CHID1: variants seen among roughly 807,000 people sequenced by gnomAD.
The protein encoded by CHID1 is chitinase domain-containing protein 1.
A neutral mutation model predicts 55.4 loss-of-function variants in CHID1; 44 were observed. The observed-to-expected ratio is 0.79, with a 90% CI of 0.62 to 1.02. CHID1 has a LOEUF of 1.02. CHID1 is among the 50% of genes least tolerant of loss of function. CHID1 has a pLI of 0.00. For synonymous variants in CHID1, 216 were observed against 212.9 expected, an observed-to-expected ratio of 1.01 and a Z score of -0.13; for missense variants, 491 against 515.3, an observed-to-expected ratio of 0.95 and a Z score of 0.46.
In CHID1 at chr11:869,665, C is replaced by A. The variant is rs962406933; in HGVS notation, c.*193G>T. ...GGAGGGGCTCGAGCTCTCAGGGTGT[C>A]CCCCAGCTAGGACTCATCCAGGGCA... On this transcript the variant is annotated 3_prime_UTR_variant, in exon 13 of 13. Transcript: ENST00000323578. 1.7e-6 allele frequency: 1 copy of A among 604,070 alleles called. No individual in the cohort carries two copies. Among genetic ancestry groups the A allele is most frequent in the South Asian group, 2.0e-5 (1 of 50,180 alleles). The allele number at this position is 604,070 out of a possible 1,614,324, so 37.4% of individuals were successfully genotyped here.
rs1220076877 is a variant in CHID1, at chr11:900,113, G to A, written c.440-3C>T. 1 of 1,611,034 alleles carries A rather than the reference G, an allele frequency of 6.2e-7. No individual in the cohort carries two copies. Among genetic ancestry groups the A allele is most frequent in the East Asian group, 2.2e-5 (1 of 44,876 alleles). On this transcript the variant is annotated splice_region_variant and splice_polypyrimidine_tract_variant and intron_variant, in intron 5 of 12. Coordinates refer to ENST00000323578, the MANE Select transcript of CHID1 (RefSeq NM_023947.4). Reference sequence around the variant, plus strand: ...GTCCTCAAACAGGAGCCGAGGCACTGCAGGGGCAACAGACACACACGGGGG... The same window carrying A: ...GTCCTCAAACAGGAGCCGAGGCACTACAGGGGCAACAGACACACACGGGGG...
At chr11:873,222 GCACAGCAGAGGGAGTCCAGGCC>G (rs967047554) in intron 10 of CHID1, among the ~76,000 whole-genome samples, 5 of 152,104 alleles carry the variant, frequency 3.3e-5, no homozygotes, top group African/African-American at 4.8e-5. Context: ...GCAGCTGCAG[GCACAGCAGAGGGAGTCCAGGCC>G]CACAGCAGAG....
At chr11:885,587 C>T (rs1850331233) in intron 8 of CHID1, among the ~76,000 whole-genome samples, 1 of 152,204 alleles carries the variant, frequency 6.6e-6, no homozygotes, top group Admixed American at 6.5e-5. Context: ...CGGTGGCCTC[C>T]CTCAGTGCCT....
chr11:906,806 A>G (rs1029445629), intron 1 of CHID1, among the ~76,000 whole-genome samples: 1 of 152,142 alleles, frequency 6.6e-6, no homozygotes, highest in Non-Finnish European at 1.5e-5. Flanking sequence ...AGGCAGGCAG[A>G]TCACCTGAAG....
intron 10 of CHID1, among the ~76,000 whole-genome samples, chr11:873,871 A>C (rs553412806): frequency 6.6e-6 from 1 of 152,300 alleles, no homozygotes; most frequent in South Asian, 2.1e-4. Flanking sequence ...GCAAGGCCTC[A>C]AATGGAAAGG....
intron 10 of CHID1, among the ~76,000 whole-genome samples, chr11:876,753 C>A (rs556454307): frequency 6.6e-6 from 1 of 152,218 alleles, no homozygotes; most frequent in Non-Finnish European, 1.5e-5. Flanking sequence ...TCTTGGCAGC[C>A]GTTTATTTAT....
upstream of CHID1, among the ~76,000 whole-genome samples, chr11:912,858 GAAAA>G (rs1277692661): frequency 4.6e-5 from 7 of 150,604 alleles, no homozygotes; most frequent in Non-Finnish European, 1.0e-4. Context: ...AAAAGAAAAA[GAAAA>G]AGAAAACTGA....
intron 11 of CHID1, 90 bp downstream of exon 11, chr11:870,329 C>T (rs1010636964): frequency 2.2e-6 from 3 of 1,348,498 alleles, no homozygotes; most frequent in Non-Finnish European, 3.1e-6. Context: ...ACCCTGAGAC[C>T]CCCTGGGCCC....
At chr11:904,923 C>T in intron 1 of CHID1, 64 bp from the exon 2 acceptor site, 1 of 1,548,128 alleles carries the variant, frequency 6.5e-7, no homozygotes, top group African/African-American at 1.4e-5. Flanking sequence ...GGCAACCCCT[C>T]TGCTGATGGG....
intron 8 of CHID1, among the ~76,000 whole-genome samples, chr11:889,089 G>T (rs1850615232): frequency 1.3e-5 from 2 of 152,196 alleles, no homozygotes; most frequent in South Asian, 4.1e-4. Flanking sequence ...CCAGGCTGGG[G>T]CCTGACCAGG....
Position 899,996 on chromosome 11 carries a change from G to A in CHID1, c.546+8C>T. The A allele has an allele frequency of 6.2e-7, 1 of 1,605,176 alleles. No individual in the cohort carries two copies. The highest frequency in any genetic ancestry group is 1.1e-5 in the South Asian group (1 of 90,898). ...TGCTCAGAGGCTGGAGCAGCACACAGGTCTCACCTTTGCCACCTGGACCAC... is the reference window on the plus strand; with the variant it reads ...TGCTCAGAGGCTGGAGCAGCACACAAGTCTCACCTTTGCCACCTGGACCAC... On this transcript the variant is annotated splice_region_variant and intron_variant, in intron 6 of 12. Coordinates refer to ENST00000323578, the MANE Select transcript of CHID1 (RefSeq NM_023947.4).
rs777182034 is a variant in CHID1 at position 884,044 on chromosome 11, G to C, written c.803+24C>G. ...TGCACTGTGGAGTTTGCTGTGCCCA[G>C]GAGCCCCCCAAGCCCACACTCACTG... On this transcript the variant is annotated intron_variant, in intron 9 of 12. Coordinates refer to ENST00000323578, the MANE Select transcript of CHID1 (RefSeq NM_023947.4). 3 of 1,584,860 alleles carry C rather than the reference G, an allele frequency of 1.9e-6. No individual in the cohort carries two copies. In the African/African-American group the frequency reaches 4.0e-5, roughly 21 times the overall value.
At chr11:886,272 G>A (rs1014333733) in intron 8 of CHID1, among the ~76,000 whole-genome samples, 12 of 151,224 alleles carry the variant, frequency 7.9e-5, no homozygotes, top group Non-Finnish European at 1.6e-4. Flanking sequence ...CCAGCCTGGG[G>A]AACACAGCAA....
intron 5 of CHID1, 98 bp downstream of exon 5, chr11:900,838 A>T: frequency 9.9e-7 from 1 of 1,009,158 alleles, no homozygotes; most frequent in Non-Finnish European, 1.4e-6. Flanking sequence ...GCAGCAGCAC[A>T]GCCGGGTGAT....
intron 7 of CHID1, among the ~76,000 whole-genome samples, chr11:898,036 G>T (rs1346710572): frequency 6.6e-6 from 1 of 152,212 alleles, no homozygotes; most frequent in African/African-American, 2.4e-5. Context: ...GAGCACAGTG[G>T]GAGGAGCGGC....
chr11:899,481 G>T, intron 6 of CHID1, 80 bp from the exon 7 acceptor site: 1 of 1,334,316 alleles, frequency 7.5e-7, no homozygotes, highest in Non-Finnish European at 1.0e-6. Flanking sequence ...CGCCACCTCG[G>T]CCCACATGGT....
chr11:876,481 G>A (rs1849524816), intron 10 of CHID1, among the ~76,000 whole-genome samples: 1 of 152,212 alleles, frequency 6.6e-6, no homozygotes, highest in Admixed American at 6.5e-5. Context: ...ACATTCAGGC[G>A]GAGGCAGGAG....
chr11:900,826 C>T, intron 5 of CHID1, 110 bp downstream of exon 5: 2 of 886,974 alleles, frequency 2.3e-6, no homozygotes, highest in Non-Finnish European at 3.4e-6. Context: ...GTAACCTGTG[C>T]CGCAGCAGCA....
intron 2 of CHID1, among the ~76,000 whole-genome samples, chr11:904,143 G>C (rs1589899673): frequency 6.6e-6 from 1 of 152,242 alleles, no homozygotes. Flanking sequence ...GTGAGAGAGA[G>C]ATGTCCACTG....
Sources: allele counts gnomAD v4.1 joint callset (sites outside exome capture counted in the v4.1 genomes callset), GRCh38; gene constraint gnomAD v4.1.1; transcripts MANE v1.5; gene names NCBI Gene and HGNC (gene_info 2026-07-23, HGNC 2026-07-21).